The following KCNG2 variants were observed in gnomAD, a reference collection of about 807,000 sequenced individuals.
KCNG2 encodes the protein potassium voltage-gated channel modifier subfamily G member 2.
KCNG2 carries 7 observed loss-of-function variants against 12.3 expected under a neutral mutation model. That is an observed-to-expected ratio of 0.57 (90% confidence interval 0.32 to 1.07). KCNG2 has a LOEUF of 1.07. KCNG2 is among the 50% of genes least tolerant of loss of function. KCNG2 has a pLI of 0.04. For synonymous variants in KCNG2, 414 were observed against 351.4 expected, an observed-to-expected ratio of 1.18 and a Z score of -1.99; for missense variants, 703 against 726.0, an observed-to-expected ratio of 0.97 and a Z score of 0.36.
intron 1 of KCNG2, among the ~76,000 whole-genome samples, chr18:79,826,012 G>A (rs1978285402): frequency 6.6e-6 from 1 of 152,216 alleles, no homozygotes; most frequent in Non-Finnish European, 1.5e-5. Flanking sequence ...CCATAGAGAC[G>A]TGGGCCTGGG....
At chr18:79,815,266 C>G (rs549300393) in intron 1 of KCNG2, among the ~76,000 whole-genome samples, 1 of 151,964 alleles carries the variant, frequency 6.6e-6, no homozygotes, top group Non-Finnish European at 1.5e-5. Flanking sequence ...TAGTGAGATG[C>G]TCTCTCTACA....
At chr18:79,828,241 C>T (rs1340460419) in intron 1 of KCNG2, among the ~76,000 whole-genome samples, 1 of 152,210 alleles carries the variant, frequency 6.6e-6, no homozygotes, top group Non-Finnish European at 1.5e-5. Flanking sequence ...TCTTAAAACT[C>T]TTAGACATAC....
chr18:79,834,093 C>A (rs140594918), intron 1 of KCNG2, among the ~76,000 whole-genome samples: 1 of 152,286 alleles, frequency 6.6e-6, no homozygotes, highest in East Asian at 1.9e-4. Context: ...CCTTTAAAAC[C>A]CCTTCACGTT....
chr18:79,802,392 C>T (rs879414429), intron 1 of KCNG2, among the ~76,000 whole-genome samples: 9 of 151,954 alleles, frequency 5.9e-5, no homozygotes, highest in South Asian at 4.1e-4. Flanking sequence ...CTGTCCCAGC[C>T]GTGCTGCTCT....
At chr18:79,876,978 C>T (rs1442426215) in intron 3 of KCNG2, among the ~76,000 whole-genome samples, 6 of 152,200 alleles carry the variant, frequency 3.9e-5, no homozygotes, top group Admixed American at 2.0e-4. Context: ...AACGAGTTAA[C>T]GCAGGGTGCG....
Position 79,899,195 on chromosome 18 carries a change from G to A in KCNG2, c.780G>A (p.Leu260=), listed in dbSNP as rs1230617761. The A allele has an allele frequency of 1.2e-6, 2 of 1,604,234 alleles. No individual in the cohort carries two copies. The highest frequency in any genetic ancestry group is 1.7e-6 in the Non-Finnish European group (2 of 1,179,516). Residue 260 remains leucine (L), a synonymous_variant, in exon 4 of 4, where the codon CTG becomes CTA. Transcript: ENST00000316249. ...PLNIIDILAL[L]PFYVSLLLGL... ...ACATCATTGACATCCTGGCGCTCCTGCCGTTCTACGTGTCGCTGCTGCTGG... is the reference window on the plus strand; with the variant it reads ...ACATCATTGACATCCTGGCGCTCCTACCGTTCTACGTGTCGCTGCTGCTGG...
At position 79,853,531 on chromosome 18, in the gene KCNG2, G is replaced by A. The variant is rs1978898586; in HGVS notation, c.-114-2848G>A. ...GTGAGCTCTGGCGTTTTGAGCAGAGGGTGGTGTGCAGTGTTAGGAGGCCCC... is the reference window on the plus strand; with the variant it reads ...GTGAGCTCTGGCGTTTTGAGCAGAGAGTGGTGTGCAGTGTTAGGAGGCCCC... On this transcript the variant is annotated intron_variant, in intron 1 of 3. Transcript: ENST00000316249. Among the ~76,000 whole-genome samples, 4 of 152,198 alleles carry A rather than the reference G, an allele frequency of 2.6e-5. No individual in the cohort carries two copies. In the South Asian group the frequency reaches 8.3e-4, roughly 31 times the overall value.
intron 3 of KCNG2, among the ~76,000 whole-genome samples, chr18:79,871,311 G>A (rs1024356967): frequency 1.3e-5 from 2 of 152,324 alleles, no homozygotes; most frequent in East Asian, 3.9e-4. Flanking sequence ...TTGGAGCCCT[G>A]AACGGCCTCA....
At position 79,800,167 on chromosome 18, in the gene KCNG2, C is replaced by T. The variant is rs1391271375; in HGVS notation, c.-115+2153C>T. Among the ~76,000 whole-genome samples the T allele has an allele frequency of 2.6e-5, 4 of 151,860 alleles. No homozygotes were observed. In the East Asian group the frequency reaches 7.8e-4, roughly 29 times the overall value. On this transcript the variant is annotated intron_variant, in intron 1 of 3. Transcript: ENST00000316249. This position sits in a 1 kb window ranked among gnomAD's most constrained non-coding sequence, Gnocchi z 4.0. ...GGCGTGGGGGCGGGAGTGAAGGGAG[C>T]AGATGGGGCTGTGCCGACAGGCATG...
At chr18:79,873,435 C>CCCCCAG (rs1979939707) in intron 3 of KCNG2, among the ~76,000 whole-genome samples, 1 of 145,818 alleles carries the variant, frequency 6.9e-6, no homozygotes, top group Non-Finnish European at 1.5e-5. Context: ...CTCCCCCCCC[C>CCCCCAG]CCAGCCACCT....
Position 79,832,257 on chromosome 18 carries a change from ACCTCACCTGCCCTTCTTCACCTGC to A in KCNG2, c.-114-24109_-114-24086del, listed in dbSNP as rs537885423. Among the ~76,000 whole-genome samples, 248 of 127,422 alleles carry A rather than the reference ACCTCACCTGCCCTTCTTCACCTGC, an allele frequency of 1.9e-3. 8 individuals are homozygous for A. In the South Asian group the frequency reaches 0.051, roughly 26 times the overall value. 83.6% of individuals were successfully genotyped at this position (127,422 alleles called of 152,430 possible). A position where few individuals can be genotyped will look rare whatever the true frequency, so the allele number is the denominator to read the frequency against. On this transcript the variant is annotated intron_variant, in intron 1 of 3. Transcript: ENST00000316249. ...TCACCTGCTCATCCTCACCCGTGAG[ACCTCACCTGCCCTTCTTCACCTGC>A]CCTCACCTGCCCATCCTCACTGTCC...
intron 1 of KCNG2, among the ~76,000 whole-genome samples, chr18:79,848,920 T>C (rs1413287232): frequency 6.6e-6 from 1 of 152,130 alleles, no homozygotes; most frequent in East Asian, 1.9e-4. Context: ...ACCCACGGCA[T>C]AGGCTGTTAG....
chr18:79,868,480 G>A (rs888191538), intron 3 of KCNG2, among the ~76,000 whole-genome samples: 3 of 152,236 alleles, frequency 2.0e-5, no homozygotes, highest in Admixed American at 6.5e-5. Flanking sequence ...CTGACTGACC[G>A]AAGGTCTTTT....
At chr18:79,853,918 A>C (rs938837862) in intron 1 of KCNG2, among the ~76,000 whole-genome samples, 2 of 152,198 alleles carry the variant, frequency 1.3e-5, no homozygotes, top group Non-Finnish European at 2.9e-5. Context: ...GAGCTGGCTC[A>C]GGGGGCTTCC....
At position 79,899,847 on chromosome 18, in the gene KCNG2, C is replaced by T. The variant is rs1352041391; in HGVS notation, c.*31C>T. ...GCGCCGCCCACACGGAGACCCCCTG[C>T]CCCCTCCAGCTGCAGCGTCGGGACC... On this transcript the variant is annotated 3_prime_UTR_variant, in exon 4 of 4. Transcript: ENST00000316249. 2 of 1,313,784 alleles carry T rather than the reference C, an allele frequency of 1.5e-6. No homozygotes were observed. Among genetic ancestry groups the T allele is most frequent in the African/African-American group, 1.5e-5 (1 of 64,924 alleles). 81.4% of individuals were successfully genotyped at this position (1,313,784 alleles called of 1,614,324 possible). A position where few individuals can be genotyped will look rare whatever the true frequency, so the allele number is the denominator to read the frequency against.
chr18:79,863,623 T>C lies in KCNG2; in HGVS notation c.-40-5T>C, dbSNP rs1244408196. On this transcript the variant is annotated splice_region_variant and splice_polypyrimidine_tract_variant and intron_variant, in intron 2 of 3. Coordinates refer to ENST00000316249, the MANE Select transcript of KCNG2 (RefSeq NM_012283.2). ...CGACCCTAACGCGGTCCGTTCCTTT[T>C]GCAGGAGCCGGGCAGGAGCCCCTCG... 17 of 1,203,106 alleles carry C rather than the reference T, an allele frequency of 1.4e-5. No homozygotes were observed. Among genetic ancestry groups the C allele is most frequent in the Non-Finnish European group, 1.8e-5 (17 of 967,744 alleles). The allele number at this position is 1,203,106 out of a possible 1,614,324, so 74.5% of individuals were successfully genotyped here. A position where few individuals can be genotyped will look rare whatever the true frequency, so the allele number is the denominator to read the frequency against.
chr18:79,888,840 A>ATTTTT (rs113195725), intron 3 of KCNG2, among the ~76,000 whole-genome samples: 1 of 148,098 alleles, frequency 6.8e-6, no homozygotes. Context: ...ACGCCCAGCT[A>ATTTTT]TTTTTTTTTT....
intron 3 of KCNG2, among the ~76,000 whole-genome samples, chr18:79,867,037 CGAGGTCTGGGTGCTGA>C (rs1568263055): frequency 9.9e-6 from 1 of 101,168 alleles, no homozygotes; most frequent in African/African-American, 4.2e-5. Flanking sequence ...GTCTGGGTGC[CGAGGTCTGGGTGCTGA>C]GAGGTCTGGG....
At chr18:79,851,633 C>T (rs888721227) in intron 1 of KCNG2, among the ~76,000 whole-genome samples, 3 of 151,550 alleles carry the variant, frequency 2.0e-5, no homozygotes, top group East Asian at 1.9e-4. Flanking sequence ...TGTGTATGTG[C>T]GGTGTGCAAG....
Sources: gnomAD v4.1 joint callset for allele counts (sites outside exome capture counted in the v4.1 genomes callset) on GRCh38, gnomAD v4.1.1 for gene constraint, Gnocchi (gnomAD v3.1) non-coding constraint, MANE v1.5 for transcripts, NCBI Gene and HGNC (gene_info 2026-07-23, HGNC 2026-07-21) for gene names.